The following PTPRD variants were observed in gnomAD, a reference collection of about 807,000 sequenced individuals.
PTPRD encodes the protein receptor-type tyrosine-protein phosphatase delta.
A neutral mutation model predicts 214.5 loss-of-function variants in PTPRD; 34 were observed. The observed-to-expected ratio is 0.16, with a 90% CI of 0.12 to 0.21. PTPRD has a LOEUF of 0.21. Ranked by LOEUF, PTPRD falls within the 10% of genes least tolerant of loss-of-function variation. The pLI is 1.00. For missense variants in PTPRD, 2,545 were observed against 2,398.7 expected (o/e 1.06, Z -1.27); for synonymous variants, 1,128 against 845.7 (o/e 1.33, Z -5.79).
chr9:9,705,915 G>A (rs1022545161), intron 7 of PTPRD, among the ~76,000 whole-genome samples: 1 of 152,134 alleles, frequency 6.6e-6, no homozygotes, highest in African/African-American at 2.4e-5. Flanking sequence ...TTAGTGGAAA[G>A]TATGTATTAG....
At chr9:8,674,220 G>A (rs770218734) in intron 12 of PTPRD, among the ~76,000 whole-genome samples, 2 of 152,034 alleles carry the variant, frequency 1.3e-5, no homozygotes, top group Non-Finnish European at 2.9e-5. Flanking sequence ...GGCACTTTGC[G>A]AGGCCGAGGC....
intron 2 of PTPRD, among the ~76,000 whole-genome samples, chr9:10,469,925 T>C (rs1488560625): frequency 2.7e-5 from 4 of 150,688 alleles, no homozygotes; most frequent in African/African-American, 9.9e-5. Flanking sequence ...TTGCATGTAC[T>C]CACTCATATG....
At chr9:10,050,405 A>G (rs377212570) in intron 3 of PTPRD, among the ~76,000 whole-genome samples, 18 of 151,552 alleles carry the variant, frequency 1.2e-4, no homozygotes, top group East Asian at 3.9e-4. Flanking sequence ...TAAAAATACA[A>G]AAAAACTAGC....
At chr9:8,678,379 A>C (rs192025457) in intron 12 of PTPRD, among the ~76,000 whole-genome samples, 2 of 152,174 alleles carry the variant, frequency 1.3e-5, no homozygotes, top group African/African-American at 4.8e-5. Flanking sequence ...TCCTTCTGTT[A>C]CATGGTTTGC....
At chr9:8,527,378 G>T in intron 15 of PTPRD, 25 bp from the exon 16 acceptor site, 1 of 1,602,966 alleles carries the variant, frequency 6.2e-7, no homozygotes, top group Non-Finnish European at 8.5e-7. Context: ...ACGGAGAGAA[G>T]AAAGACAGCA....
chr9:8,321,483 GTGTGTATATATATATATA>G (rs1431708083), intron 44 of PTPRD, among the ~76,000 whole-genome samples: 1 of 48,786 alleles, frequency 2.0e-5, no homozygotes, highest in Non-Finnish European at 3.5e-5. Context: ...GTGTGTGTGT[GTGTGTATATATATATATA>G]TATATATATA....
chr9:9,885,860 TAA>T (rs998466102), intron 5 of PTPRD, among the ~76,000 whole-genome samples: 1 of 147,208 alleles, frequency 6.8e-6, no homozygotes, highest in East Asian at 2.0e-4. Context: ...CACAACAGGT[TAA>T]AAAAAAAACC....
intron 3 of PTPRD, among the ~76,000 whole-genome samples, chr9:10,176,910 C>T (rs2099251850): frequency 6.6e-6 from 1 of 151,908 alleles, no homozygotes; most frequent in African/African-American, 2.4e-5. Context: ...GAAGCACATT[C>T]TTATAAAAGA....
intron 2 of PTPRD, among the ~76,000 whole-genome samples, chr9:10,586,308 C>G (rs369138497): frequency 6.6e-6 from 1 of 151,866 alleles, no homozygotes; most frequent in Non-Finnish European, 1.5e-5. Flanking sequence ...ACCTTTGTAA[C>G]CTTTACAAAG....
chr9:8,960,381 T>A (rs2154317515), intron 11 of PTPRD, among the ~76,000 whole-genome samples: 1 of 152,136 alleles, frequency 6.6e-6, no homozygotes, highest in South Asian at 2.1e-4. Flanking sequence ...GAACCTCTGG[T>A]ATATTCAGAG....
chr9:10,189,896 C>T (rs2099354811), intron 3 of PTPRD, among the ~76,000 whole-genome samples: 1 of 151,800 alleles, frequency 6.6e-6, no homozygotes, highest in South Asian at 2.1e-4. Context: ...GCAGGGTATG[C>T]ATAAAGGCCT....
At chr9:9,815,737 G>A (rs1042086067) in intron 5 of PTPRD, among the ~76,000 whole-genome samples, 9 of 152,188 alleles carry the variant, frequency 5.9e-5, no homozygotes, top group Admixed American at 3.3e-4. Flanking sequence ...TGATTTTAGC[G>A]GATGGAAGGA....
intron 2 of PTPRD, among the ~76,000 whole-genome samples, chr9:10,354,060 A>G (rs905204199): frequency 1.1e-4 from 16 of 152,076 alleles, no homozygotes; most frequent in Non-Finnish European, 2.1e-4. Flanking sequence ...ATTTAAATCC[A>G]CTGTATTGCA....
At chr9:8,336,176 G>T (rs907586774) in intron 43 of PTPRD, among the ~76,000 whole-genome samples, 8 of 148,688 alleles carry the variant, frequency 5.4e-5, no homozygotes, top group African/African-American at 7.7e-5. Context: ...AAAGAACAAG[G>T]CTTGAGAGAT....
intron 7 of PTPRD, among the ~76,000 whole-genome samples, chr9:9,591,986 C>T (rs78004857): frequency 0.034 from 5,116 of 152,144 alleles, 166 homozygotes; most frequent in African/African-American, 0.082. Flanking sequence ...TGGCAACCTC[C>T]ATTCTACTCT....
chr9:9,214,437 G>A (rs1355887404), intron 9 of PTPRD, among the ~76,000 whole-genome samples: 1 of 151,828 alleles, frequency 6.6e-6, no homozygotes, highest in South Asian at 2.1e-4. Flanking sequence ...TGATGGAACA[G>A]TTTCTCTTGG....
chr9:8,474,452 C>G (rs948777750), intron 30 of PTPRD, among the ~76,000 whole-genome samples: 1 of 152,166 alleles, frequency 6.6e-6, no homozygotes, highest in Non-Finnish European at 1.5e-5. Context: ...TCCACTCTAC[C>G]TTAGCTGAAA....
intron 14 of PTPRD, among the ~76,000 whole-genome samples, chr9:8,626,846 C>G (rs940171982): frequency 6.6e-6 from 1 of 151,674 alleles, no homozygotes; most frequent in Non-Finnish European, 1.5e-5. Flanking sequence ...TTTGGCAGAT[C>G]TTGAAACTTC....
intron 8 of PTPRD, among the ~76,000 whole-genome samples, chr9:9,558,306 G>T (rs1449671265): frequency 6.6e-6 from 1 of 152,192 alleles, no homozygotes; most frequent in Non-Finnish European, 1.5e-5. Context: ...GTGATAACAA[G>T]TGGAGTTATA....
Sources: gnomAD v4.1 joint callset for allele counts (sites outside exome capture counted in the v4.1 genomes callset) on GRCh38, gnomAD v4.1.1 for gene constraint, MANE v1.5 for transcripts, NCBI Gene and HGNC (gene_info 2026-07-23, HGNC 2026-07-21) for gene names.